The following ASTN2 variants were observed in gnomAD, a reference collection of about 807,000 sequenced individuals.
ASTN2 encodes astrotactin-2.
A neutral mutation model predicts 139.8 loss-of-function variants in ASTN2; 54 were observed. The ratio of observed to expected loss-of-function variants is 0.39; its 90% CI spans 0.31 to 0.48. The LOEUF (loss-of-function observed/expected upper bound fraction) is 0.48. ASTN2 is among the 20% of genes least tolerant of loss of function. ASTN2 has a pLI of 0.95. For missense variants in ASTN2, 1,565 were observed against 1,725.1 expected, an observed-to-expected ratio of 0.91 and a Z score of 1.64; for synonymous variants, 756 against 719.5, an observed-to-expected ratio of 1.05 and a Z score of -0.81.
chr9:117,134,266 T>TTATATATATA (rs5900267), intron 4 of ASTN2, among the ~76,000 whole-genome samples: 117 of 92,456 alleles, frequency 1.3e-3, no homozygotes, highest in African/African-American at 4.2e-3. Flanking sequence ...CTAATGAAAA[T>TTATATATATA]TATATATATA....
chr9:116,781,653 G>T (rs1447439469), intron 13 of ASTN2, among the ~76,000 whole-genome samples: 3 of 152,112 alleles, frequency 2.0e-5, no homozygotes, highest in African/African-American at 7.2e-5. Context: ...ACTCACTGGG[G>T]CTCTCAAAAG....
intron 11 of ASTN2, among the ~76,000 whole-genome samples, chr9:116,843,439 C>T (rs1030729235): frequency 6.6e-6 from 1 of 152,138 alleles, no homozygotes; most frequent in Non-Finnish European, 1.5e-5. Flanking sequence ...GGATAGATCA[C>T]CTCAGGTCAG....
In ASTN2 at chr9:117,375,120, G is replaced by A. The variant is rs539647714; in HGVS notation, c.442+39377C>T. On this transcript the variant is annotated intron_variant, in intron 1 of 22. Coordinates refer to ENST00000313400, the MANE Select transcript of ASTN2 (RefSeq NM_001365068.1). Reference sequence around the variant, plus strand: ...CAACAAGAAACATCCTCCTGTACATGTATGCACCACACACTGTTAGTTTGT... The same window carrying A: ...CAACAAGAAACATCCTCCTGTACATATATGCACCACACACTGTTAGTTTGT... Among the ~76,000 whole-genome samples, 12 of 152,306 alleles carry A rather than the reference G, an allele frequency of 7.9e-5. No homozygotes were observed. The South Asian group carries it at 2.5e-3, about 32-fold the overall frequency.
In ASTN2 at chr9:116,698,376, G is replaced by A; in HGVS notation, c.2806+27395C>T. 6.2e-7 allele frequency: 1 copy of A among 1,614,158 alleles called. No homozygotes were observed. The highest frequency in any genetic ancestry group is 2.2e-5 in the East Asian group (1 of 44,886). ...GAAGTTCTTCACAGGCTCTTTGGCTGAAGTTGAGAAGTCCAATAGTCAAGT... is the reference window on the plus strand; with the variant it reads ...GAAGTTCTTCACAGGCTCTTTGGCTAAAGTTGAGAAGTCCAATAGTCAAGT... On this transcript the variant is annotated intron_variant, in intron 16 of 22. Transcript: ENST00000313400. This position sits in a 1 kb window ranked among gnomAD's most constrained non-coding sequence, Gnocchi z 4.4.
At chr9:116,605,705 A>G (rs1303954272) in intron 19 of ASTN2, among the ~76,000 whole-genome samples, 1 of 151,764 alleles carries the variant, frequency 6.6e-6, no homozygotes, top group African/African-American at 2.4e-5. Flanking sequence ...ATCAGAGCTC[A>G]CTAGTTGCTC....
chr9:116,538,704 G>A (rs1314227642), intron 19 of ASTN2, among the ~76,000 whole-genome samples: 1 of 152,140 alleles, frequency 6.6e-6, no homozygotes, highest in East Asian at 1.9e-4. Flanking sequence ...CTTTGAATAT[G>A]TCTGAAATTG....
chr9:116,607,442 C>T (rs1054774296), intron 19 of ASTN2, among the ~76,000 whole-genome samples: 1 of 152,106 alleles, frequency 6.6e-6, no homozygotes, highest in Non-Finnish European at 1.5e-5. Flanking sequence ...ATGTCACTGT[C>T]TTCAATCTTC....
At chr9:116,928,957 G>T (rs554208415) in intron 10 of ASTN2, among the ~76,000 whole-genome samples, 1 of 152,306 alleles carries the variant, frequency 6.6e-6, no homozygotes, top group East Asian at 1.9e-4. Flanking sequence ...TCACTTAAGT[G>T]TACACAGCCA....
In ASTN2 at chr9:117,074,023, T is replaced by C. The variant is rs193129608; in HGVS notation, c.1276+22021A>G. On this transcript the variant is annotated intron_variant, in intron 5 of 22. Coordinates refer to ENST00000313400, the MANE Select transcript of ASTN2 (RefSeq NM_001365068.1). Reference sequence around the variant, plus strand: ...TCACACAAGCCCAGGCGATGGCCATTATTATCCCCGGCCCTCACCTGCCGG... The same window carrying C: ...TCACACAAGCCCAGGCGATGGCCATCATTATCCCCGGCCCTCACCTGCCGG... 1.4e-3 allele frequency among the ~76,000 whole-genome samples: 213 copies of C among 152,154 alleles called. 1 individual carries two copies. The highest frequency in any genetic ancestry group is 2.6e-3 in the Non-Finnish European group (179 of 67,998).
At chr9:117,411,348 A>C (rs1831154745) in intron 1 of ASTN2, among the ~76,000 whole-genome samples, 1 of 151,704 alleles carries the variant, frequency 6.6e-6, no homozygotes, top group East Asian at 1.9e-4. Context: ...CAGGCAAACA[A>C]ACTTTGGAGA....
chr9:116,847,820 T>A (rs766814706), intron 11 of ASTN2, among the ~76,000 whole-genome samples: 2 of 152,216 alleles, frequency 1.3e-5, no homozygotes, highest in Non-Finnish European at 2.9e-5. Context: ...TCCTCATCTG[T>A]TATATTTTTC....
At chr9:116,521,644 T>C (rs1340415573) in intron 19 of ASTN2, among the ~76,000 whole-genome samples, 7 of 152,008 alleles carry the variant, frequency 4.6e-5, no homozygotes, top group African/African-American at 7.2e-5. Flanking sequence ...AAAGCAAAGA[T>C]ACATAAATAG....
At chr9:116,915,419 T>C (rs1216803944) in intron 10 of ASTN2, among the ~76,000 whole-genome samples, 1 of 152,080 alleles carries the variant, frequency 6.6e-6, no homozygotes, top group Non-Finnish European at 1.5e-5. Context: ...CCAAAACCCT[T>C]GTAATGTCCT....
chr9:116,640,539 T>C (rs981564673), intron 17 of ASTN2, among the ~76,000 whole-genome samples: 1 of 152,188 alleles, frequency 6.6e-6, no homozygotes, highest in Admixed American at 6.5e-5. Flanking sequence ...CTACAGGGAA[T>C]AGCCTGTGCA....
intron 7 of ASTN2, among the ~76,000 whole-genome samples, chr9:116,981,159 T>G (rs534007712): frequency 6.6e-6 from 1 of 152,330 alleles, no homozygotes; most frequent in South Asian, 2.1e-4. Flanking sequence ...TTTACTTGCC[T>G]GTTCCCCCAC....
chr9:116,897,288 C>A (rs899738423), intron 10 of ASTN2, among the ~76,000 whole-genome samples: 3 of 152,222 alleles, frequency 2.0e-5, no homozygotes, highest in Admixed American at 2.0e-4. Flanking sequence ...TCAAGTCAAT[C>A]TCCTCTCTGG....
Position 117,092,997 on chromosome 9 carries a change from G to C in ASTN2, c.1276+3047C>G, listed in dbSNP as rs1828744710. 3.3e-5 allele frequency among the ~76,000 whole-genome samples: 5 copies of C among 152,276 alleles called. No homozygotes were observed. In the South Asian group the frequency reaches 1.0e-3, roughly 32 times the overall value. ...AAAGGGGAGTGGCACTGGACATGGG[G>C]GAGGTAAACAGGGTGCAAAGGAACC... is the stretch of plus-strand genomic sequence containing the variant. On this transcript the variant is annotated intron_variant, in intron 5 of 22. Coordinates refer to ENST00000313400, the MANE Select transcript of ASTN2 (RefSeq NM_001365068.1).
At chr9:116,443,376 T>C (rs928508988) in intron 20 of ASTN2, among the ~76,000 whole-genome samples, 2 of 152,210 alleles carry the variant, frequency 1.3e-5, no homozygotes, top group African/African-American at 4.8e-5. Context: ...GGGAACCTTG[T>C]AGGCCATGCC....
intron 5 of ASTN2, among the ~76,000 whole-genome samples, chr9:117,071,464 G>C (rs1268564930): frequency 2.7e-5 from 4 of 150,628 alleles, no homozygotes; most frequent in Non-Finnish European, 1.5e-5. Flanking sequence ...CTGTCTTTTT[G>C]TTTGTCTGTG....
Sources: allele counts gnomAD v4.1 joint callset (sites outside exome capture counted in the v4.1 genomes callset), GRCh38; gene constraint gnomAD v4.1.1; non-coding constraint Gnocchi (gnomAD v3.1); transcripts MANE v1.5; gene names NCBI Gene and HGNC (gene_info 2026-07-23, HGNC 2026-07-21).